Variants in LRFN5 observed in about 807,000 individuals in gnomAD.
LRFN5 encodes leucine-rich repeat and fibronectin type-III domain-containing protein 5.
A neutral mutation model predicts 45.6 loss-of-function variants in LRFN5; 24 were observed. The ratio of observed to expected loss-of-function variants is 0.53; its 90% CI spans 0.38 to 0.74. The LOEUF (loss-of-function observed/expected upper bound fraction) is 0.74, where lower values mean the gene tolerates loss of function less well. Among genes scored for constraint, LRFN5 ranks in the 30% least tolerant of loss-of-function variants. The pLI, the probability that LRFN5 is intolerant of heterozygous loss-of-function variation, is 0.00. For missense variants in LRFN5, 776 were observed against 861.5 expected (o/e 0.90, Z 1.24); for synonymous variants, 340 against 313.8 (o/e 1.08, Z -0.88).
intron 2 of LRFN5, among the ~76,000 whole-genome samples, chr14:41,800,245 G>A (rs557941136): frequency 6.6e-6 from 1 of 152,012 alleles, no homozygotes; most frequent in South Asian, 2.1e-4. Flanking sequence ...ACTTATGTTT[G>A]GTTGATATTG....
chr14:41,636,393 T>A (rs567730039), intron 1 of LRFN5, among the ~76,000 whole-genome samples: 1 of 152,266 alleles, frequency 6.6e-6, no homozygotes, highest in South Asian at 2.1e-4. Context: ...ATAATGAACT[T>A]TCTTTTAATC....
intron 1 of LRFN5, among the ~76,000 whole-genome samples, chr14:41,677,023 A>G (rs1774310426): frequency 1.3e-5 from 2 of 152,242 alleles, no homozygotes; most frequent in African/African-American, 4.8e-5. Flanking sequence ...AAAGGTAAAA[A>G]TATAACTGGT....
intron 1 of LRFN5, among the ~76,000 whole-genome samples, chr14:41,675,474 G>T (rs1367235872): frequency 6.6e-6 from 1 of 152,292 alleles, no homozygotes; most frequent in East Asian, 1.9e-4. Flanking sequence ...GTGGCGGCGC[G>T]CGCCTGCAAT....
chr14:41,850,852 T>C (rs1889241950), intron 2 of LRFN5, among the ~76,000 whole-genome samples: 1 of 151,762 alleles, frequency 6.6e-6, no homozygotes, highest in South Asian at 2.1e-4. Context: ...CAAAACAATT[T>C]ATAACTTTGT....
chr14:41,636,824 G>A (rs1879329082), intron 1 of LRFN5, among the ~76,000 whole-genome samples: 2 of 152,064 alleles, frequency 1.3e-5, no homozygotes, highest in African/African-American at 2.4e-5. Context: ...CATTTCTCAA[G>A]GTTCAAAAAA....
chr14:41,861,085 T>C (rs1261286952), intron 2 of LRFN5, among the ~76,000 whole-genome samples: 5 of 152,198 alleles, frequency 3.3e-5, no homozygotes, highest in Non-Finnish European at 7.4e-5. Flanking sequence ...TGTTTATACA[T>C]TTTTAATTTA....
intron 2 of LRFN5, among the ~76,000 whole-genome samples, chr14:41,822,245 G>A (rs1019606011): frequency 5.3e-5 from 8 of 151,896 alleles, no homozygotes; most frequent in Non-Finnish European, 1.0e-4. Flanking sequence ...GAGGTGTAAT[G>A]TGAACTTGTT....
chr14:41,795,999 T>G (rs2166749), intron 2 of LRFN5, among the ~76,000 whole-genome samples: 105,557 of 151,680 alleles, frequency 0.7, 37,010 homozygotes, highest in East Asian at 0.92. Context: ...TTTATCTTAG[T>G]AATGGGCATA....
At chr14:41,839,751 A>C (rs1888794341) in intron 2 of LRFN5, among the ~76,000 whole-genome samples, 1 of 152,062 alleles carries the variant, frequency 6.6e-6, no homozygotes, top group Admixed American at 6.6e-5. Flanking sequence ...TCCTGATCTA[A>C]ATACCTGTGA....
At chr14:41,649,755 C>CGTTT (rs1880004827) in intron 1 of LRFN5, among the ~76,000 whole-genome samples, 1 of 152,130 alleles carries the variant, frequency 6.6e-6, no homozygotes, top group Admixed American at 6.6e-5. Context: ...TTACCCCTGA[C>CGTTT]GTTTCCTCTT....
chr14:41,712,042 A>G (rs1350825551), intron 1 of LRFN5, among the ~76,000 whole-genome samples: 2 of 152,214 alleles, frequency 1.3e-5, no homozygotes, highest in Non-Finnish European at 2.9e-5. Flanking sequence ...ACACAATAGA[A>G]GAAAGAATTG....
intron 2 of LRFN5, among the ~76,000 whole-genome samples, chr14:41,768,990 T>C (rs1458034148): frequency 6.6e-6 from 1 of 152,056 alleles, no homozygotes; most frequent in African/African-American, 2.4e-5. Flanking sequence ...AAATTAGCAG[T>C]CCATTAGCGT....
chr14:41,890,624 G>A (rs1890745331), intron 3 of LRFN5, among the ~76,000 whole-genome samples: 1 of 151,242 alleles, frequency 6.6e-6, no homozygotes, highest in Non-Finnish European at 1.5e-5. Flanking sequence ...GGAGAATGGC[G>A]TGAACCCGGG....
chr14:41,807,310 T>G (rs533335065), intron 2 of LRFN5, among the ~76,000 whole-genome samples: 1 of 152,248 alleles, frequency 6.6e-6, no homozygotes, highest in Admixed American at 6.6e-5. Flanking sequence ...TCGTTTTGTA[T>G]CCATTGAATA....
intron 1 of LRFN5, among the ~76,000 whole-genome samples, chr14:41,765,160 T>C (rs868141452): frequency 6.6e-6 from 1 of 151,840 alleles, no homozygotes; most frequent in Middle Eastern, 3.4e-3. Context: ...GCTAACACAG[T>C]GAAACCCCGT....
intron 2 of LRFN5, among the ~76,000 whole-genome samples, chr14:41,798,648 C>T (rs1021638905): frequency 1.3e-5 from 2 of 152,024 alleles, no homozygotes; most frequent in East Asian, 3.9e-4. Context: ...TCTTAACCAA[C>T]AGAAATTATC....
intron 1 of LRFN5, among the ~76,000 whole-genome samples, chr14:41,672,955 A>G (rs1040856282): frequency 1.3e-5 from 2 of 151,684 alleles, no homozygotes; most frequent in Non-Finnish European, 2.9e-5. Flanking sequence ...ATATAAATAT[A>G]TCCTATTTTT....
intron 2 of LRFN5, among the ~76,000 whole-genome samples, chr14:41,796,870 A>T (rs1290517732): frequency 6.6e-6 from 1 of 151,856 alleles, no homozygotes; most frequent in East Asian, 1.9e-4. Context: ...GTATTTTTTC[A>T]CGTCTTCAAT....
intron 1 of LRFN5, among the ~76,000 whole-genome samples, chr14:41,716,682 T>G (rs1285210726): frequency 2.6e-5 from 4 of 152,178 alleles, no homozygotes; most frequent in Non-Finnish European, 5.9e-5. Context: ...CTCTAGGAAG[T>G]GCGAAACTTT....
Sources: gnomAD v4.1 joint callset for allele counts (sites outside exome capture counted in the v4.1 genomes callset) on GRCh38, gnomAD v4.1.1 for gene constraint, MANE v1.5 for transcripts, NCBI Gene and HGNC (gene_info 2026-07-23, HGNC 2026-07-21) for gene names.